Variants in UMOD observed in about 807,000 individuals in gnomAD.
The protein encoded by UMOD is uromodulin.
A neutral mutation model predicts 66.0 loss-of-function variants in UMOD; 64 were observed. That is an observed-to-expected ratio of 0.97 (90% CI 0.79 to 1.19). The LOEUF is 1.19. Among genes scored for constraint, UMOD ranks in the 50% most tolerant of loss-of-function variants. The pLI, the probability that UMOD is intolerant of heterozygous loss-of-function variation, is 0.00. For synonymous variants in UMOD, 398 were observed against 352.7 expected (o/e 1.13, Z -1.44); for missense variants, 764 against 850.9 (o/e 0.90, Z 1.27).
At chr16:20,343,906 C>T (rs1225386486) in intron 6 of UMOD, 118 bp downstream of exon 6, 2 of 1,292,066 alleles carry the variant, frequency 1.5e-6, no homozygotes, top group East Asian at 2.4e-5. Flanking sequence ...ATTGGGCAAC[C>T]CTGATTCCCA....
At chr16:20,347,010 C>T (rs1965623815) in intron 4 of UMOD, among the ~76,000 whole-genome samples, 2 of 151,426 alleles carry the variant, frequency 1.3e-5, no homozygotes. Context: ...TACTCACTAA[C>T]TTCCCTCTCT....
intron 10 of UMOD, among the ~76,000 whole-genome samples, chr16:20,335,207 C>T (rs1263982769): frequency 6.6e-6 from 1 of 152,146 alleles, no homozygotes; most frequent in Non-Finnish European, 1.5e-5. Flanking sequence ...AGATGCAGAT[C>T]TGGAGTGTGT....
In UMOD at chr16:20,348,447, G is replaced by T. The variant is rs766919534; in HGVS notation, c.854C>A (p.Ala285Glu). Residue 285 changes from alanine (A) to glutamate (E), a missense_variant, in exon 3 of 11, where the codon GCG (alanine) becomes GAG (glutamate). Ala to Glu is a moderately radical substitution (Grantham distance 107). Coordinates refer to ENST00000396138, the MANE Select transcript of UMOD (RefSeq NM_003361.4). ...NLTAPPECHL[A>E]YCTDPSSVEG... ...AGACTCCGGCTGACCTGTGCAGTACGCCAGGTGACACTCGGGGGGCGCTGT... is the reference window on the plus strand; with the variant it reads ...AGACTCCGGCTGACCTGTGCAGTACTCCAGGTGACACTCGGGGGGCGCTGT... 1 of 1,613,724 alleles carries T rather than the reference G, an allele frequency of 6.2e-7. No homozygotes were observed. Among genetic ancestry groups the T allele is most frequent in the South Asian group, 1.1e-5 (1 of 91,080 alleles).
At chr16:20,340,734 C>T (rs981154450) in intron 7 of UMOD, among the ~76,000 whole-genome samples, 2 of 151,948 alleles carry the variant, frequency 1.3e-5, no homozygotes, top group African/African-American at 2.4e-5. Context: ...GTGGCTCACA[C>T]CTGTAATCCC....
upstream of UMOD, among the ~76,000 whole-genome samples, chr16:20,354,115 A>G (rs1323179007): frequency 6.6e-6 from 1 of 152,178 alleles, no homozygotes; most frequent in Non-Finnish European, 1.5e-5. Context: ...ATAGTATTCC[A>G]CGGTGTATAT....
At chr16:20,335,392 G>T in intron 10 of UMOD, 90 bp downstream of exon 10, 1 of 1,349,514 alleles carries the variant, frequency 7.4e-7, no homozygotes, top group Non-Finnish European at 1.1e-6. Context: ...CTCCCTTATA[G>T]AGTTGCTATG....
Position 20,346,251 on chromosome 16 carries a change from C to T in UMOD, c.1057G>A (p.Gly353Ser), listed in dbSNP as rs1431122847. 6.2e-7 allele frequency: 1 copy of T among 1,614,258 alleles called. No homozygotes were observed. ...AGGTACATGAAGACCTTGTCGAAGC[C>T]CAGACTCTTCAGCTGGCACTTGCCC... is the stretch of plus-strand genomic sequence containing the variant. The part of the protein sequence containing the change: ...SLGKCQLKSL[G>S]FDKVFMYLSD... The change falls in exon 5 of 11, where the codon GGC becomes AGC. Residue 353 changes from glycine to serine, a missense_variant. By Grantham distance (56) the Gly-to-Ser change is moderately conservative. Coordinates refer to ENST00000396138, the MANE Select transcript of UMOD (RefSeq NM_003361.4).
rs1336255342 is a variant in UMOD at position 20,333,064 on chromosome 16, T to A, written c.*250A>T. On this transcript the variant is annotated 3_prime_UTR_variant, in exon 11 of 11. Transcript: ENST00000396138. ...GACTTCAAAGACTGAGATTTAAAAA[T>A]CATTATTTTGCCACACTCTTTAAGG... 1 of 496,338 alleles carries A rather than the reference T, an allele frequency of 2.0e-6. No homozygotes were observed. Among genetic ancestry groups the A allele is most frequent in the African/African-American group, 2.0e-5 (1 of 51,098 alleles). The allele number at this position is 496,338 out of a possible 1,614,324, so 30.7% of individuals were successfully genotyped here.
Position 20,334,709 on chromosome 16 carries a change from C to A in UMOD, c.1861+773G>T, listed in dbSNP as rs114985207. On this transcript the variant is annotated intron_variant, in intron 10 of 10. Coordinates refer to ENST00000396138, the MANE Select transcript of UMOD (RefSeq NM_003361.4). ...AGCTCAAGCCCAGCCCTCCAGCACA[C>A]CCTGGGACCTCAGGGAGTTAGAGGA... 7.5e-3 allele frequency among the ~76,000 whole-genome samples: 1,144 copies of A among 152,036 alleles called. 11 individuals are homozygous for A. The highest frequency in any genetic ancestry group is 0.027 in the African/African-American group (1,104 of 41,454).
chr16:20,337,662 T>C lies in UMOD; in HGVS notation c.1578-209A>G, dbSNP rs567275032. 2.2e-4 allele frequency among the ~76,000 whole-genome samples: 34 copies of C among 152,350 alleles called. No homozygotes were observed. In the East Asian group the frequency reaches 5.0e-3, roughly 22 times the overall value. ...AGCTGTAAGGATTAAATTCGTTAAT[T>C]TCTCAAAGTGCGTAGAACTGTGTGT... On this transcript the variant is annotated intron_variant, in intron 7 of 10. Transcript: ENST00000396138.
At chr16:20,352,379 T>C (rs1305330676) in intron 1 of UMOD, among the ~76,000 whole-genome samples, 1 of 152,178 alleles carries the variant, frequency 6.6e-6, no homozygotes, top group Non-Finnish European at 1.5e-5. Flanking sequence ...TTAACTAAGA[T>C]GACATATGTC....
intron 2 of UMOD, chr16:20,349,680 A>C (rs1307937229): frequency 6.9e-7 from 1 of 1,451,170 alleles, no homozygotes; most frequent in Non-Finnish European, 9.1e-7. Flanking sequence ...AGCCACATTC[A>C]GAAAAGTAAT....
Position 20,346,214 on chromosome 16 carries a change from C to T in UMOD, c.1094G>A (p.Arg365Gln), listed in dbSNP as rs771686892. The T allele has an allele frequency of 6.8e-6, 11 of 1,614,126 alleles. No individual in the cohort carries two copies. Among genetic ancestry groups the T allele is most frequent in the East Asian group, 6.7e-5 (3 of 44,898 alleles). Residue 365 changes from arginine (R) to glutamine (Q), a missense_variant, in exon 5 of 11, where the codon CGG (arginine) becomes CAG (glutamine). Coordinates refer to ENST00000396138, the MANE Select transcript of UMOD (RefSeq NM_003361.4). Reference sequence around the variant, plus strand: ...GTCTCTGTCATTGAAGCCCGAGCACCGGCTGTCACTCAGGTACATGAAGAC... The same window carrying T: ...GTCTCTGTCATTGAAGCCCGAGCACTGGCTGTCACTCAGGTACATGAAGAC... ...DKVFMYLSDS[R>Q]CSGFNDRDNR...
rs749369652 is a variant in UMOD, at chr16:20,336,639, C to G, written c.1822+7G>C. 5 of 1,613,532 alleles carry G rather than the reference C, an allele frequency of 3.1e-6. No homozygotes were observed. The African/African-American group carries it at 5.3e-5, about 17-fold the overall frequency. On this transcript the variant is annotated splice_region_variant and intron_variant, in intron 9 of 10. Transcript: ENST00000396138. Reference sequence around the variant, plus strand: ...CAGGAATGTTGAGGAGCGAGTGGCTCTCTTACCTTTCCGTGTGATGGGACC... The same window carrying G: ...CAGGAATGTTGAGGAGCGAGTGGCTGTCTTACCTTTCCGTGTGATGGGACC...
At chr16:20,339,290 G>A (rs116040334) in intron 7 of UMOD, among the ~76,000 whole-genome samples, 2,096 of 152,076 alleles carry the variant, frequency 0.014, 58 homozygotes, top group African/African-American at 0.047. Context: ...CTTTATGAGC[G>A]TTTTCCTGTG....
intron 5 of UMOD, among the ~76,000 whole-genome samples, chr16:20,344,955 C>T (rs1965460636): frequency 6.6e-6 from 1 of 152,164 alleles, no homozygotes; most frequent in Non-Finnish European, 1.5e-5. Flanking sequence ...AAACCATATG[C>T]CAAGTCACCA....
rs1596561934 is a variant in UMOD at position 20,348,650 on chromosome 16, G to A, written c.651C>T (p.Cys217=). ...GQGGARMAET[C]VPVLRCNTAA... is the part of the protein sequence containing the mutation. The stretch of plus-strand genomic sequence containing the variant: ...CCGTGTTGCAGCGCAGGACTGGCAC[G>A]CAGGTCTCGGCCATGCGCGCACCGC... The change falls in exon 3 of 11, where the codon TGC becomes TGT. Residue 217 remains cysteine (C), a synonymous_variant. Transcript: ENST00000396138. 6.4e-7 allele frequency: 1 copy of A among 1,565,164 alleles called. No individual in the cohort carries two copies. The highest frequency in any genetic ancestry group is 8.6e-7 in the Non-Finnish European group (1 of 1,159,084).
chr16:20,349,964 A>G, intron 2 of UMOD: 1 of 1,356,870 alleles, frequency 7.4e-7, no homozygotes, highest in Non-Finnish European at 9.8e-7. Flanking sequence ...CTTTTCACTC[A>G]CTATCTTGTT....
At chr16:20,338,905 G>T (rs150052437) in intron 7 of UMOD, among the ~76,000 whole-genome samples, 2 of 151,992 alleles carry the variant, frequency 1.3e-5, no homozygotes, top group Non-Finnish European at 2.9e-5. Context: ...GATGACAGGC[G>T]CCCACCACCA....
Sources: gnomAD v4.1 joint callset for allele counts (sites outside exome capture counted in the v4.1 genomes callset) on GRCh38, gnomAD v4.1.1 for gene constraint, MANE v1.5 for transcripts, NCBI Gene and HGNC (gene_info 2026-07-23, HGNC 2026-07-21) for gene names.